The following SEMA6A variants were observed in gnomAD, a reference collection of about 807,000 sequenced individuals.
The protein encoded by SEMA6A is semaphorin 6A.
In SEMA6A, 25 loss-of-function variants were observed where a neutral mutation model predicts 96.8. The ratio of observed to expected loss-of-function variants is 0.26; its 90% confidence interval spans 0.19 to 0.36. The LOEUF (loss-of-function observed/expected upper bound fraction) is 0.36. Among genes scored for constraint, SEMA6A ranks in the 10% least tolerant of loss-of-function variants. SEMA6A has a pLI of 1.00. For synonymous variants in SEMA6A, 612 were observed against 518.0 expected (o/e 1.18, Z -2.46); for missense variants, 1,363 against 1,323.1 (o/e 1.03, Z -0.47).
chr5:116,551,298 C>G (rs1331084946), intron 1 of SEMA6A, among the ~76,000 whole-genome samples: 2 of 141,646 alleles, frequency 1.4e-5, no homozygotes, highest in Non-Finnish European at 3.1e-5. Context: ...AGAATCAATT[C>G]TGCATGATAG....
In SEMA6A at chr5:116,443,794, G is replaced by T. The variant is rs1409003238; in HGVS notation, c.*2819C>A. On this transcript the variant is annotated 3_prime_UTR_variant, in exon 19 of 19. Transcript: ENST00000343348. ...TACCAGTGTCTAGCAAGGGTGGAAAGCAAAGGCACACTCGGGTTTATGGAC... is the reference window on the plus strand; with the variant it reads ...TACCAGTGTCTAGCAAGGGTGGAAATCAAAGGCACACTCGGGTTTATGGAC... 6.6e-6 allele frequency: 1 copy of T among 152,624 alleles called. No homozygotes were observed. The highest frequency in any genetic ancestry group is 1.5e-5 in the Non-Finnish European group (1 of 68,040). The allele number at this position is 152,624 out of a possible 1,614,324, so 9.5% of individuals were successfully genotyped here.
chr5:116,489,462 C>G (rs115144051), intron 7 of SEMA6A, among the ~76,000 whole-genome samples: 540 of 152,260 alleles, frequency 3.5e-3, no homozygotes, highest in Non-Finnish European at 5.9e-3. Context: ...AGTCCTCAGC[C>G]TGATCAGGTG....
intron 18 of SEMA6A, among the ~76,000 whole-genome samples, chr5:116,465,863 T>G (rs905723626): frequency 1.3e-5 from 2 of 152,068 alleles, no homozygotes; most frequent in African/African-American, 4.8e-5. Flanking sequence ...ACAAAGTGAT[T>G]TCTACTGAGT....
intron 10 of SEMA6A, among the ~76,000 whole-genome samples, chr5:116,482,833 G>C (rs531929446): frequency 2.0e-5 from 3 of 152,286 alleles, no homozygotes; most frequent in African/African-American, 4.8e-5. Context: ...ATTGCTTCTT[G>C]AACTGATTTT....
At chr5:116,487,649 G>T (rs1757126342) in intron 9 of SEMA6A, among the ~76,000 whole-genome samples, 1 of 152,086 alleles carries the variant, frequency 6.6e-6, no homozygotes, top group Admixed American at 6.5e-5. Context: ...GAAATTACTT[G>T]AGGTCAGGAG....
intron 15 of SEMA6A, among the ~76,000 whole-genome samples, 193 bp downstream of exon 15, chr5:116,477,653 A>G (rs1449019558): frequency 6.6e-6 from 1 of 152,222 alleles, no homozygotes; most frequent in African/African-American, 2.4e-5. Flanking sequence ...TGATTAATCA[A>G]TTGGAAATCT....
intron 13 of SEMA6A, 110 bp from the exon 14 acceptor site, chr5:116,478,264 G>C: frequency 7.6e-7 from 1 of 1,324,246 alleles, no homozygotes; most frequent in Non-Finnish European, 1.0e-6. Flanking sequence ...TCTAACTGGC[G>C]GTGAAACAAA....
At chr5:116,544,157 A>T (rs1488461663) in intron 1 of SEMA6A, among the ~76,000 whole-genome samples, 1 of 152,170 alleles carries the variant, frequency 6.6e-6, no homozygotes, top group Non-Finnish European at 1.5e-5. Flanking sequence ...GATCACTGAG[A>T]CATTTCCTTT....
Position 116,502,195 on chromosome 5 carries a change from G to GA in SEMA6A, c.218+14dup. On this transcript the variant is annotated intron_variant, in intron 3 of 18. Coordinates refer to ENST00000343348, the MANE Select transcript of SEMA6A (RefSeq NM_020796.5). The stretch of plus-strand genomic sequence containing the variant: ...TGGACACTCTCAAGGCAGACATGGG[G>GA]AAAAGGCCCCTTACCTAGCAGCAAT... 1 of 1,607,106 alleles carries GA rather than the reference G, an allele frequency of 6.2e-7. No homozygotes were observed. The highest frequency in any genetic ancestry group is 8.5e-7 in the Non-Finnish European group (1 of 1,173,658).
At chr5:116,487,726 C>T (rs565110960) in intron 9 of SEMA6A, among the ~76,000 whole-genome samples, 60 of 152,000 alleles carry the variant, frequency 3.9e-4, no homozygotes, top group African/African-American at 1.3e-3. Flanking sequence ...TAGCTGGGCA[C>T]GGTGGCGCAT....
chr5:116,493,251 T>C (rs1328527563), intron 6 of SEMA6A, among the ~76,000 whole-genome samples: 1 of 152,230 alleles, frequency 6.6e-6, no homozygotes, highest in Non-Finnish European at 1.5e-5. Flanking sequence ...AAAGATAGCT[T>C]TCCATCTAGG....
rs78756733 is a variant in SEMA6A at position 116,515,204 on chromosome 5, A to G, written c.-38-10222T>C. On this transcript the variant is annotated intron_variant, in intron 1 of 18. Transcript: ENST00000343348. Reference sequence around the variant, plus strand: ...GTAGACACTCAAATTAGACTAGTTCATTCTTTGCTTAAGGAATTTCAAGCA... The same window carrying G: ...GTAGACACTCAAATTAGACTAGTTCGTTCTTTGCTTAAGGAATTTCAAGCA... Among the ~76,000 whole-genome samples the G allele has an allele frequency of 2.5e-4, 38 of 152,352 alleles. No homozygotes were observed. The East Asian group carries it at 6.6e-3, about 26-fold the overall frequency.
intron 1 of SEMA6A, among the ~76,000 whole-genome samples, chr5:116,527,267 C>G (rs1209519695): frequency 6.6e-6 from 1 of 151,834 alleles, no homozygotes; most frequent in Non-Finnish European, 1.5e-5. Context: ...AAAAAAGAAG[C>G]AATTGAATAT....
rs756783238 is a variant in SEMA6A at position 116,488,199 on chromosome 5, G to A, written c.656-3C>T. 2.5e-5 allele frequency: 40 copies of A among 1,598,174 alleles called. No individual in the cohort carries two copies. The East Asian group carries it at 7.4e-4, about 30-fold the overall frequency. ...CACGGCTTGAACAAAGTATGGTTCT[G>A]TAGACAAACAGGCACTTTAATTGGG... On this transcript the variant is annotated splice_polypyrimidine_tract_variant and splice_region_variant and intron_variant, in intron 8 of 18. Transcript: ENST00000343348.
intron 1 of SEMA6A, among the ~76,000 whole-genome samples, chr5:116,523,439 G>GT (rs1759058459): frequency 6.6e-6 from 1 of 151,988 alleles, no homozygotes; most frequent in Non-Finnish European, 1.5e-5. Context: ...TCAGCCTCCC[G>GT]AGTCTGAGAC....
intron 10 of SEMA6A, among the ~76,000 whole-genome samples, chr5:116,486,373 C>T (rs1198195944): frequency 2.0e-5 from 3 of 152,168 alleles, no homozygotes; most frequent in Non-Finnish European, 2.9e-5. Context: ...CCTCTTCCAT[C>T]TACTGACTAC....
chr5:116,570,777 AT>A (rs1334681447), intron 1 of SEMA6A, among the ~76,000 whole-genome samples: 1 of 152,198 alleles, frequency 6.6e-6, no homozygotes, highest in South Asian at 2.1e-4. Context: ...TCAAAATAGT[AT>A]TTTTCCTTCC....
intron 18 of SEMA6A, among the ~76,000 whole-genome samples, chr5:116,452,697 C>CTGCT (rs1754716959): frequency 6.6e-6 from 1 of 152,178 alleles, no homozygotes. Context: ...TCTAGTAGTC[C>CTGCT]TGCTCATGGA....
chr5:116,574,747 T>G lies in SEMA6A; in HGVS notation c.-601A>C, dbSNP rs1761397928. 1 of 152,324 alleles carries G rather than the reference T, an allele frequency of 6.6e-6. No individual in the cohort carries two copies. Among genetic ancestry groups the G allele is most frequent in the Admixed American group, 6.5e-5 (1 of 15,286 alleles). 9.4% of individuals were successfully genotyped at this position (152,324 alleles called of 1,614,324 possible). ...CCGCGGAGGAGCGCCGCTGCTGGGT[T>G]CCGAGCGCCTGGGCAGCCGAGTGCG... is the stretch of plus-strand genomic sequence containing the variant. On this transcript the variant is annotated 5_prime_UTR_variant, in exon 1 of 19. Transcript: ENST00000343348.
Sources: allele counts gnomAD v4.1 joint callset (sites outside exome capture counted in the v4.1 genomes callset), GRCh38; gene constraint gnomAD v4.1.1; transcripts MANE v1.5; gene names NCBI Gene and HGNC (gene_info 2026-07-23, HGNC 2026-07-21).